Variants in PCDH9 observed in about 807,000 individuals in gnomAD.
PCDH9 encodes protocadherin 9, also known as protocadherin-9.
Under a neutral mutation model 70.6 loss-of-function variants are expected in PCDH9, and 24 were observed. That is an observed-to-expected ratio of 0.34 (90% confidence interval 0.25 to 0.48). PCDH9 has a LOEUF of 0.48. Ranked by LOEUF, PCDH9 falls within the 20% of genes least tolerant of loss-of-function variation. The pLI is 0.99. For synonymous variants in PCDH9, 562 were observed against 558.5 expected (o/e 1.01, Z -0.09); for missense variants, 1,281 against 1,503.6 (o/e 0.85, Z 2.45).
chr13:67,159,036 A>T (rs1172257381), intron 2 of PCDH9, among the ~76,000 whole-genome samples: 5 of 152,206 alleles, frequency 3.3e-5, no homozygotes, highest in African/African-American at 1.2e-4. Flanking sequence ...CACTATCTTT[A>T]ATCTTCAAAA....
At chr13:66,685,035 A>G (rs1386340888) in intron 3 of PCDH9, among the ~76,000 whole-genome samples, 2 of 151,962 alleles carry the variant, frequency 1.3e-5, no homozygotes, top group Non-Finnish European at 2.9e-5. Flanking sequence ...GAAAAGAAAA[A>G]AAAAACATTT....
At chr13:66,629,305 G>A (rs1036780839) in intron 4 of PCDH9, among the ~76,000 whole-genome samples, 1 of 152,150 alleles carries the variant, frequency 6.6e-6, no homozygotes, top group African/African-American at 2.4e-5. Context: ...GACAAGAGGA[G>A]CCAACCACTC....
chr13:67,133,537 AT>A (rs1193954368), intron 2 of PCDH9, among the ~76,000 whole-genome samples: 1 of 152,100 alleles, frequency 6.6e-6, no homozygotes, highest in Non-Finnish European at 1.5e-5. Flanking sequence ...TCAAATCTAA[AT>A]TCTATGTCAC....
intron 2 of PCDH9, among the ~76,000 whole-genome samples, chr13:66,953,713 C>G (rs952925476): frequency 1.3e-5 from 2 of 152,144 alleles, no homozygotes; most frequent in Non-Finnish European, 2.9e-5. Context: ...CCTTCACCAA[C>G]AAACCCAGCA....
At chr13:67,212,231 T>A (rs1405396357) in intron 2 of PCDH9, 1 of 151,980 alleles carries the variant, frequency 6.6e-6, no homozygotes, top group Non-Finnish European at 1.5e-5. Flanking sequence ...GATCTTAGAA[T>A]CTTATTACCC....
At chr13:66,349,878 T>A (rs1228474189) in intron 4 of PCDH9, among the ~76,000 whole-genome samples, 1 of 152,208 alleles carries the variant, frequency 6.6e-6, no homozygotes, top group Non-Finnish European at 1.5e-5. Flanking sequence ...TAGATTTGTA[T>A]AGTCAAAAGA....
chr13:66,486,431 TGG>T (rs1958943835), intron 4 of PCDH9, among the ~76,000 whole-genome samples: 5 of 149,932 alleles, frequency 3.3e-5, no homozygotes, highest in Admixed American at 6.7e-5. Flanking sequence ...CACTCCAGCC[TGG>T]GTGACAGAGC....
intron 2 of PCDH9, among the ~76,000 whole-genome samples, chr13:67,013,008 ATGTGTGTG>A (rs944276514): frequency 6.6e-6 from 1 of 151,754 alleles, no homozygotes; most frequent in Non-Finnish European, 1.5e-5. Flanking sequence ...CAATGTGTGC[ATGTGTGTG>A]TGTGTTCCAT....
chr13:67,001,728 C>A (rs977906523), intron 2 of PCDH9: 4 of 152,222 alleles, frequency 2.6e-5, no homozygotes, highest in Admixed American at 2.0e-4. Flanking sequence ...CCCAGGTACC[C>A]CGCTTAAGAG....
At chr13:66,569,655 T>C (rs2076704776) in intron 4 of PCDH9, among the ~76,000 whole-genome samples, 1 of 152,126 alleles carries the variant, frequency 6.6e-6, no homozygotes, top group East Asian at 1.9e-4. Flanking sequence ...TTTGGTTGTT[T>C]ATTGGTTGAG....
rs907856175 is a variant in PCDH9 at position 66,493,048 on chromosome 13, T to A, written c.3340+138162A>T. The stretch of plus-strand genomic sequence containing the variant: ...CGATCTAGACTAGAATACTACAGAA[T>A]AAAGAAATAAAATAATAATAAACAT... On this transcript the variant is annotated intron_variant, in intron 4 of 4. Coordinates refer to ENST00000377865, the MANE Select transcript of PCDH9 (RefSeq NM_203487.3). 2.0e-5 allele frequency among the ~76,000 whole-genome samples: 3 copies of A among 152,182 alleles called. No homozygotes were observed. The East Asian group carries it at 5.8e-4, about 29-fold the overall frequency.
chr13:66,346,447 A>G (rs1399207832), intron 4 of PCDH9, among the ~76,000 whole-genome samples: 1 of 152,182 alleles, frequency 6.6e-6, no homozygotes, highest in African/African-American at 2.4e-5. Context: ...TGAAATAACT[A>G]ACCTTTTAGG....
At chr13:67,019,055 CAGA>C (rs1320514877) in intron 2 of PCDH9, among the ~76,000 whole-genome samples, 3 of 152,062 alleles carry the variant, frequency 2.0e-5, no homozygotes, top group Non-Finnish European at 4.4e-5. Context: ...ATTATTTTCT[CAGA>C]AGTTTTCTTC....
At chr13:66,991,051 G>A (rs578089866) in intron 2 of PCDH9, 10 of 151,890 alleles carry the variant, frequency 6.6e-5, no homozygotes, top group South Asian at 2.1e-4. Context: ...AAAAAAATAC[G>A]TCCTTGACTC....
At chr13:66,970,102 C>T (rs991645694) in intron 2 of PCDH9, among the ~76,000 whole-genome samples, 1 of 151,908 alleles carries the variant, frequency 6.6e-6, no homozygotes, top group East Asian at 1.9e-4. Context: ...CAAAGAAAAA[C>T]TAGATCATCT....
intron 4 of PCDH9, among the ~76,000 whole-genome samples, chr13:66,337,365 T>C (rs1469441712): frequency 1.3e-5 from 2 of 152,076 alleles, no homozygotes; most frequent in African/African-American, 2.4e-5. Flanking sequence ...AGGATAACTC[T>C]TCTTTGAAAA....
chr13:66,350,168 A>C (rs929330754), intron 4 of PCDH9, among the ~76,000 whole-genome samples: 1 of 152,178 alleles, frequency 6.6e-6, no homozygotes, highest in African/African-American at 2.4e-5. Context: ...TAAGTAACTT[A>C]AGATCTCACC....
chr13:66,752,096 G>T (rs2079468832), intron 3 of PCDH9, among the ~76,000 whole-genome samples: 1 of 152,124 alleles, frequency 6.6e-6, no homozygotes, highest in African/African-American at 2.4e-5. Context: ...CTCAAGGAAA[G>T]GGCATCGGTG....
At chr13:66,900,178 T>G (rs538885785) in intron 3 of PCDH9, among the ~76,000 whole-genome samples, 1 of 152,024 alleles carries the variant, frequency 6.6e-6, no homozygotes, top group South Asian at 2.1e-4. Flanking sequence ...TCTTTGCAGT[T>G]TCTGAAGCCA....
Sources: allele counts gnomAD v4.1 joint callset (sites outside exome capture counted in the v4.1 genomes callset), GRCh38; gene constraint gnomAD v4.1.1; transcripts MANE v1.5; gene names NCBI Gene and HGNC (gene_info 2026-07-23, HGNC 2026-07-21).